The following YIF1B variants were observed in gnomAD, a reference collection of about 807,000 sequenced individuals.
YIF1B encodes protein YIF1B.
Under a neutral mutation model 34.6 loss-of-function variants are expected in YIF1B, and 24 were observed. The ratio of observed to expected loss-of-function variants is 0.69; its 90% confidence interval spans 0.50 to 0.98. YIF1B has a LOEUF of 0.98. Ranked by LOEUF, YIF1B falls within the 50% of genes least tolerant of loss-of-function variation. The probability of loss-of-function intolerance (pLI) is 0.00; values close to 1 mark genes in which losing one functional copy is unlikely to be tolerated. For missense variants in YIF1B, 368 were observed against 429.4 expected (o/e 0.86, Z 1.26); for synonymous variants, 186 against 184.8 (o/e 1.01, Z -0.05).
At chr19:38,314,773 C>T (rs1188003004) in intron 1 of YIF1B, among the ~76,000 whole-genome samples, 1 of 151,670 alleles carries the variant, frequency 6.6e-6, no homozygotes, top group African/African-American at 2.4e-5. Context: ...GCCACCACAC[C>T]CGGCTAATTT....
At chr19:38,307,194 T>C in intron 7 of YIF1B, 1 of 566,658 alleles carries the variant, frequency 1.8e-6, no homozygotes, top group Non-Finnish European at 3.3e-6. Context: ...GGAGCCTGTG[T>C]GCTGGGGATC....
At chr19:38,320,293 A>C (rs780100212), upstream of YIF1B, 2 of 1,603,074 alleles carry the variant, frequency 1.2e-6, no homozygotes, top group Non-Finnish European at 1.7e-6. Flanking sequence ...GCCTCACCGC[A>C]AGGCGGCGAG....
In YIF1B at chr19:38,308,810, G is replaced by A. The variant is rs749760229; in HGVS notation, c.521C>T (p.Ala174Val). ...FITYVLVAGL[A>V]LGTQDRFSPD... ...CCCTTACCTATCCTGGGTCCCCAGC[G>A]CAAGACCAGCCACCAAAACGTAGGT... The change falls in exon 5 of 8, where the codon GCG becomes GTG. Residue 174 changes from alanine (A) to valine (V), a missense_variant. Around this residue, in one of 3 missense-constraint regions of YIF1B, gnomAD observed 208 missense variants for 247.8 expected, o/e 0.84. Coordinates refer to ENST00000339413, the MANE Select transcript of YIF1B (RefSeq NM_001039672.3). 5.4e-5 allele frequency: 87 copies of A among 1,613,762 alleles called. No individual in the cohort carries two copies. Among genetic ancestry groups the A allele is most frequent in the Non-Finnish European group, 6.8e-5 (80 of 1,179,922 alleles).
chr19:38,311,435 A>G (rs530489925), intron 1 of YIF1B, among the ~76,000 whole-genome samples: 4 of 152,330 alleles, frequency 2.6e-5, no homozygotes, highest in African/African-American at 7.2e-5. Context: ...GCTGTGCCTG[A>G]TAAATATTAC....
rs570266275 is a variant in YIF1B at position 38,304,599 on chromosome 19, G to C, written c.*753C>G. The C allele has an allele frequency of 1.9e-6, 3 of 1,612,954 alleles. No individual in the cohort carries two copies. Among genetic ancestry groups the C allele is most frequent in the South Asian group, 2.2e-5 (2 of 91,064 alleles). ...TTCAGGGGGCTGGGTAAGGGGCGCC[G>C]CCTCACTGCCGCACCTCCATCCAGC... is the stretch of plus-strand genomic sequence containing the variant. On this transcript the variant is annotated 3_prime_UTR_variant, in exon 8 of 8. Transcript: ENST00000339413.
chr19:38,307,672 C>A lies in YIF1B; in HGVS notation c.620G>T (p.Ser207Ile). 6.2e-7 allele frequency: 1 copy of A among 1,613,750 alleles called. No homozygotes were observed. Among genetic ancestry groups the A allele is most frequent in the Non-Finnish European group, 8.5e-7 (1 of 1,179,992 alleles). Residue 207 changes from serine to isoleucine, a missense_variant, in exon 6 of 8, where the codon AGC becomes ATC. By Grantham distance (142) the Ser-to-Ile change is moderately radical. Around this residue, in one of 3 missense-constraint regions of YIF1B, gnomAD observed 208 missense variants for 247.8 expected, o/e 0.84. Coordinates refer to ENST00000339413, the MANE Select transcript of YIF1B (RefSeq NM_001039672.3). The part of the protein sequence containing the change: ...LTLEVLAILL[S>I]LYLVTVNTDL... The stretch of plus-strand genomic sequence containing the variant: ...GGTGTTGACAGTGACCAGATAGAGG[C>A]TGAGCAGGATGGCCAGCACCTCCAG...
intron 1 of YIF1B, among the ~76,000 whole-genome samples, chr19:38,311,819 C>T (rs1044200057): frequency 2.0e-5 from 3 of 152,164 alleles, no homozygotes; most frequent in African/African-American, 7.2e-5. Context: ...TGGGAAGAGG[C>T]CAGGCGCAGT....
chr19:38,306,731 G>C, intron 7 of YIF1B: 1 of 261,768 alleles, frequency 3.8e-6, no homozygotes, highest in Non-Finnish European at 7.6e-6. Flanking sequence ...ACCCAGGCTG[G>C]AGCGCAGGTG....
chr19:38,316,007 C>T, upstream of YIF1B: 1 of 1,352,342 alleles, frequency 7.4e-7, no homozygotes, highest in Non-Finnish European at 9.5e-7. Flanking sequence ...AGCCAATGGA[C>T]GTCAGGATTG....
At chr19:38,306,062 C>A (rs1969012684) in intron 7 of YIF1B, among the ~76,000 whole-genome samples, 1 of 151,766 alleles carries the variant, frequency 6.6e-6, no homozygotes, top group African/African-American at 2.4e-5. Context: ...ATTAGCTGGG[C>A]GTGGTGGTGA....
Position 38,305,126 on chromosome 19 carries a change from A to G in YIF1B, c.*226T>C. 8.4e-6 allele frequency: 12 copies of G among 1,430,878 alleles called. No homozygotes were observed. The South Asian group carries it at 1.7e-4, about 20-fold the overall frequency. The allele number at this position is 1,430,878 out of a possible 1,614,324, so 88.6% of individuals were successfully genotyped here. On this transcript the variant is annotated 3_prime_UTR_variant, in exon 8 of 8. Transcript: ENST00000339413. ...AGAGGCTGTCCACGCCATGCCCATC[A>G]GGGTTTATTGTTTCTGTAACAGCGG...
At chr19:38,314,129 G>A (rs1025308568) in intron 1 of YIF1B, among the ~76,000 whole-genome samples, 3 of 151,554 alleles carry the variant, frequency 2.0e-5, no homozygotes, top group African/African-American at 4.9e-5. Flanking sequence ...GGGTTCAAGC[G>A]ATTCTCCTGC....
upstream of YIF1B, chr19:38,319,891 C>G: frequency 7.4e-7 from 1 of 1,355,230 alleles, no homozygotes; most frequent in Non-Finnish European, 9.4e-7. Context: ...GCCAGACGGT[C>G]CGGAGGCGGG....
At position 38,307,631 on chromosome 19, in the gene YIF1B, C is replaced by T. The variant is rs143663263; in HGVS notation, c.661G>A (p.Asp221Asn). The stretch of plus-strand genomic sequence containing the variant: ...TTGTAGCCCAAGAAGGCCACCAGGT[C>T]GATGGTGGTGAGGTCGGTGTTGACA... ...VTVNTDLTTI[D>N]LVAFLGYKYV... is the part of the protein sequence containing the mutation. The change falls in exon 6 of 8, where the codon GAC (aspartate) becomes AAC (asparagine). Residue 221 changes from aspartate (D) to asparagine (N), a missense_variant. Around this residue, in one of 3 missense-constraint regions of YIF1B, gnomAD observed 208 missense variants for 247.8 expected, o/e 0.84. Transcript: ENST00000339413. 6.2e-7 allele frequency: 1 copy of T among 1,613,794 alleles called. No homozygotes were observed. The highest frequency in any genetic ancestry group is 1.7e-5 in the Admixed American group (1 of 60,006).
chr19:38,309,598 G>T lies in YIF1B; in HGVS notation c.104C>A (p.Pro35His). The part of the protein sequence containing the change: ...IPVSQPGMAD[P>H]HQLFDDTSSA... The stretch of plus-strand genomic sequence containing the variant: ...ACTTGTGTCATCGAAAAGCTGGTGG[G>T]GGTCGGCCATGCCCGGCTGGGACAC... Residue 35 changes from proline to histidine, a missense_variant, in exon 2 of 8, where the codon CCC becomes CAC. Physicochemically the swap from Pro to His is moderately conservative, Grantham distance 77 (BLOSUM62 -2). This residue lies in a region of YIF1B where 153 missense variants were observed against 156.7 expected (regional missense o/e 0.98). Coordinates refer to ENST00000339413, the MANE Select transcript of YIF1B (RefSeq NM_001039672.3). 6.3e-7 allele frequency: 1 copy of T among 1,599,260 alleles called. No homozygotes were observed. The highest frequency in any genetic ancestry group is 8.5e-7 in the Non-Finnish European group (1 of 1,173,530).
chr19:38,310,014 A>C, intron 1 of YIF1B: 1 of 340,296 alleles, frequency 2.9e-6, no homozygotes, highest in Non-Finnish European at 5.3e-6. Flanking sequence ...CCACCCACCC[A>C]TCTAGCCAAC....
At chr19:38,311,299 C>CA (rs1236261315) in intron 1 of YIF1B, among the ~76,000 whole-genome samples, 2 of 150,006 alleles carry the variant, frequency 1.3e-5, no homozygotes, top group African/African-American at 2.5e-5. Flanking sequence ...AAAAAAAAAA[C>CA]AAAAAACAAA....
In YIF1B at chr19:38,309,330, T is replaced by G. The variant is rs1282584824; in HGVS notation, c.298-2A>C. 1 of 1,613,908 alleles carries G rather than the reference T, an allele frequency of 6.2e-7. No homozygotes were observed. The highest frequency in any genetic ancestry group is 8.5e-7 in the Non-Finnish European group (1 of 1,179,938). On this transcript the variant is annotated splice_acceptor_variant, in intron 2 of 7. Coordinates refer to ENST00000339413, the MANE Select transcript of YIF1B (RefSeq NM_001039672.3). LOFTEE classifies it high-confidence loss of function. ...GGTGATGGGGATGAAGCGGTCGATC[T>G]GGGGAGGCAGAGCTCAAGTCTGAAG...
chr19:38,306,911 G>A (rs1183150294), intron 7 of YIF1B: 1 of 462,438 alleles, frequency 2.2e-6, no homozygotes, highest in African/African-American at 2.0e-5. Context: ...TTGATCTCCT[G>A]ACCTCGTGAT....
Sources: allele counts gnomAD v4.1 joint callset (sites outside exome capture counted in the v4.1 genomes callset), GRCh38; gene constraint gnomAD v4.1.1; regional missense constraint gnomAD v4.1.1; transcripts MANE v1.5; gene names NCBI Gene and HGNC (gene_info 2026-07-23, HGNC 2026-07-21).